The following SGCZ variants were observed in gnomAD, a reference collection of about 807,000 sequenced individuals.
The protein encoded by SGCZ is sarcoglycan zeta.
SGCZ carries 40 observed loss-of-function variants against 41.3 expected under a neutral mutation model. That is an observed-to-expected ratio of 0.97 (90% CI 0.75 to 1.26). The LOEUF (loss-of-function observed/expected upper bound fraction) is 1.26. Ranked by LOEUF, SGCZ falls within the 50% of genes most tolerant of loss-of-function variation. The pLI is 0.00. For missense variants in SGCZ, 552 were observed against 369.8 expected, an observed-to-expected ratio of 1.49 and a Z score of -4.04; for synonymous variants, 206 against 137.5, an observed-to-expected ratio of 1.50 and a Z score of -3.49.
intron 1 of SGCZ, among the ~76,000 whole-genome samples, chr8:14,952,731 TG>T (rs1800678933): frequency 6.6e-6 from 1 of 152,104 alleles, no homozygotes; most frequent in Admixed American, 6.6e-5. Context: ...GCAGGGACAT[TG>T]ATTTTCTTGA....
intron 2 of SGCZ, among the ~76,000 whole-genome samples, chr8:14,349,443 C>T (rs1249187530): frequency 6.6e-6 from 1 of 151,912 alleles, no homozygotes; most frequent in African/African-American, 2.4e-5. Flanking sequence ...CAGGCTTTCC[C>T]CTATGTCAAC....
intron 1 of SGCZ, among the ~76,000 whole-genome samples, chr8:14,860,738 G>GAAAGAAAGAAAGAAAGA (rs1803717908): frequency 7.3e-6 from 1 of 137,062 alleles, no homozygotes; most frequent in African/African-American, 2.7e-5. Flanking sequence ...AAGAAAGAAA[G>GAAAGAAAGAAAGAAAGA]TAAGTAAGTA....
chr8:14,747,946 G>A (rs185556807), intron 1 of SGCZ, among the ~76,000 whole-genome samples: 1 of 138,560 alleles, frequency 7.2e-6, no homozygotes, highest in African/African-American at 2.7e-5. Flanking sequence ...GGCTAGTCTT[G>A]AACTCCTGAA....
At chr8:14,841,693 T>C (rs959477456) in intron 1 of SGCZ, among the ~76,000 whole-genome samples, 2 of 152,220 alleles carry the variant, frequency 1.3e-5, no homozygotes, top group African/African-American at 4.8e-5. Context: ...CCATACTAAA[T>C]GGAATTACTG....
intron 2 of SGCZ, among the ~76,000 whole-genome samples, chr8:14,513,394 A>G (rs983128888): frequency 2.0e-5 from 3 of 152,232 alleles, no homozygotes; most frequent in African/African-American, 7.2e-5. Context: ...GTTGTGTTAG[A>G]GAAAAATTGT....
chr8:14,467,656 T>C (rs1422800471), intron 2 of SGCZ, among the ~76,000 whole-genome samples: 2 of 152,052 alleles, frequency 1.3e-5, no homozygotes, highest in Non-Finnish European at 2.9e-5. Context: ...TCCAAAGTAG[T>C]AACAGATTCT....
At chr8:15,032,517 T>C (rs1270608821) in intron 1 of SGCZ, among the ~76,000 whole-genome samples, 3 of 152,078 alleles carry the variant, frequency 2.0e-5, no homozygotes, top group South Asian at 4.1e-4. Flanking sequence ...CTGGGACTTA[T>C]GGACTGAGCC....
intron 3 of SGCZ, among the ~76,000 whole-genome samples, chr8:14,240,450 G>C (rs1356348357): frequency 2.0e-5 from 3 of 150,490 alleles, no homozygotes; most frequent in African/African-American, 4.9e-5. Flanking sequence ...TTGAAGTTCT[G>C]TCTCTAGCAC....
intron 1 of SGCZ, among the ~76,000 whole-genome samples, chr8:14,758,645 G>C (rs1303352751): frequency 6.6e-6 from 1 of 152,172 alleles, no homozygotes; most frequent in Non-Finnish European, 1.5e-5. Context: ...TTGGTGCACA[G>C]TCAAATAATA....
chr8:14,459,875 A>G (rs1376559415), intron 2 of SGCZ, among the ~76,000 whole-genome samples: 1 of 152,216 alleles, frequency 6.6e-6, no homozygotes, highest in African/African-American at 2.4e-5. Context: ...ATATTTTACA[A>G]AATAACTAAA....
chr8:14,136,517 G>A (rs914478720), intron 5 of SGCZ, among the ~76,000 whole-genome samples: 12 of 152,186 alleles, frequency 7.9e-5, no homozygotes, highest in Non-Finnish European at 1.6e-4. Context: ...CTGGCTCAGT[G>A]AGTTCCACAC....
At chr8:14,613,134 C>T (rs1805984286) in intron 1 of SGCZ, among the ~76,000 whole-genome samples, 1 of 152,144 alleles carries the variant, frequency 6.6e-6, no homozygotes, top group Non-Finnish European at 1.5e-5. Context: ...AGTGAACCTG[C>T]TGGGAGGGTG....
chr8:14,437,365 G>C lies in SGCZ; in HGVS notation c.235-113161C>G, dbSNP rs183946449. On this transcript the variant is annotated intron_variant, in intron 2 of 7. Coordinates refer to ENST00000382080, the MANE Select transcript of SGCZ (RefSeq NM_139167.4). Reference sequence around the variant, plus strand: ...TATCACAGAATATCCACAATTATCTGAAAGCCATTCCTTCCTTTTCCAACT... The same window carrying C: ...TATCACAGAATATCCACAATTATCTCAAAGCCATTCCTTCCTTTTCCAACT... 3.3e-5 allele frequency among the ~76,000 whole-genome samples: 5 copies of C among 152,226 alleles called. No homozygotes were observed. In the East Asian group the frequency reaches 9.6e-4, roughly 29 times the overall value.
rs201123826 is a variant in SGCZ, at chr8:14,385,402, C to A, written c.235-61198G>T. 2.6e-5 allele frequency among the ~76,000 whole-genome samples: 4 copies of A among 152,246 alleles called. No individual in the cohort carries two copies. The East Asian group carries it at 7.7e-4, about 29-fold the overall frequency. On this transcript the variant is annotated intron_variant, in intron 2 of 7. Transcript: ENST00000382080. Reference sequence around the variant, plus strand: ...TGCCACTAGGGTCAAGCAATTAAAACCATTAATTCTAGGGTAGTAGTGGAA... The same window carrying A: ...TGCCACTAGGGTCAAGCAATTAAAAACATTAATTCTAGGGTAGTAGTGGAA...
intron 1 of SGCZ, among the ~76,000 whole-genome samples, chr8:14,753,336 CAT>C (rs1799558591): frequency 6.6e-6 from 1 of 152,138 alleles, no homozygotes; most frequent in African/African-American, 2.4e-5. Context: ...TGTTAAATAA[CAT>C]ATTTATCTAA....
intron 1 of SGCZ, among the ~76,000 whole-genome samples, chr8:14,843,710 C>G (rs182809393): frequency 7.2e-5 from 11 of 152,122 alleles, no homozygotes; most frequent in African/African-American, 2.6e-4. Flanking sequence ...AAATTAAATG[C>G]TAAAGATGAA....
At chr8:14,974,376 G>C (rs1490418055) in intron 1 of SGCZ, among the ~76,000 whole-genome samples, 1 of 152,118 alleles carries the variant, frequency 6.6e-6, no homozygotes, top group Non-Finnish European at 1.5e-5. Context: ...GAATCACATA[G>C]AACATACAAC....
At chr8:14,145,123 G>T (rs114714276) in intron 5 of SGCZ, among the ~76,000 whole-genome samples, 2,805 of 152,270 alleles carry the variant, frequency 0.018, 82 homozygotes, top group African/African-American at 0.063. Context: ...ACAGAGGCCT[G>T]GGACAAGACC....
At chr8:14,591,732 G>A (rs1805246647) in intron 1 of SGCZ, among the ~76,000 whole-genome samples, 1 of 152,106 alleles carries the variant, frequency 6.6e-6, no homozygotes, top group Non-Finnish European at 1.5e-5. Flanking sequence ...TTTAATGCTT[G>A]AAAGTTAAAT....
Sources: allele counts gnomAD v4.1 joint callset (sites outside exome capture counted in the v4.1 genomes callset), GRCh38; gene constraint gnomAD v4.1.1; transcripts MANE v1.5; gene names NCBI Gene and HGNC (gene_info 2026-07-23, HGNC 2026-07-21).